The following ARHGAP5 variants were observed in gnomAD, a reference collection of about 807,000 sequenced individuals.
ARHGAP5 encodes the protein Rho GTPase activating protein 5.
Under a neutral mutation model 116.6 loss-of-function variants are expected in ARHGAP5, and 23 were observed. That is an observed-to-expected ratio of 0.20 (90% CI 0.14 to 0.28). The LOEUF is 0.28. ARHGAP5 is among the 10% of genes least tolerant of loss of function. ARHGAP5 has a pLI of 1.00. For synonymous variants in ARHGAP5, 574 were observed against 602.0 expected, an observed-to-expected ratio of 0.95 and a Z score of 0.68; for missense variants, 1,405 against 1,774.8, an observed-to-expected ratio of 0.79 and a Z score of 3.74.
chr14:32,095,371 C>A, intron 2 of ARHGAP5, among the ~76,000 whole-genome samples: 1 of 146,908 alleles, frequency 6.8e-6, no homozygotes, highest in Non-Finnish European at 1.5e-5. Context: ...TTGTCGTTAG[C>A]AAATTTTCTG....
intron 1 of ARHGAP5, among the ~76,000 whole-genome samples, chr14:32,084,388 G>A (rs2041808270): frequency 1.3e-5 from 2 of 152,088 alleles, no homozygotes; most frequent in Non-Finnish European, 2.9e-5. Context: ...AAAAAAACTG[G>A]ACTTTTTATG....
intron 3 of ARHGAP5, among the ~76,000 whole-genome samples, chr14:32,140,086 G>GTTTTTTTT (rs1566681639): frequency 9.2e-5 from 4 of 43,632 alleles, no homozygotes; most frequent in Non-Finnish European, 1.5e-4. Context: ...TTTTTTTTTA[G>GTTTTTTTT]GTTATTTGTT....
At chr14:32,101,167 T>A (rs986480526) in intron 2 of ARHGAP5, among the ~76,000 whole-genome samples, 1 of 152,158 alleles carries the variant, frequency 6.6e-6, no homozygotes, top group Non-Finnish European at 1.5e-5. Context: ...TAATCAGTGT[T>A]TTTTCTTTGT....
chr14:32,144,032 G>A lies in ARHGAP5; in HGVS notation c.3866-2231G>A, dbSNP rs139169856. On this transcript the variant is annotated intron_variant, in intron 3 of 6. Transcript: ENST00000345122. ...GCCCCCAGCTGAGAACCACTGCACT[G>A]TGTGAAGAACCCTGGGGATGGAAAG... Among the ~76,000 whole-genome samples the A allele has an allele frequency of 2.1e-3, 316 of 152,272 alleles. 4 individuals are homozygous for A. Among genetic ancestry groups the A allele is most frequent in the East Asian group, 7.7e-4 (4 of 5,176 alleles).
At chr14:32,142,624 A>G (rs1416452469) in intron 3 of ARHGAP5, among the ~76,000 whole-genome samples, 1 of 152,232 alleles carries the variant, frequency 6.6e-6, no homozygotes. Flanking sequence ...GAGCCAAAAG[A>G]CAGGTTGAAA....
chr14:32,127,826 G>A (rs911076349), intron 3 of ARHGAP5, among the ~76,000 whole-genome samples: 17 of 149,650 alleles, frequency 1.1e-4, no homozygotes, highest in African/African-American at 2.7e-4. Flanking sequence ...GTGGCCGGGC[G>A]GAGATGCTCC....
intron 2 of ARHGAP5, among the ~76,000 whole-genome samples, chr14:32,106,876 C>T (rs1195780995): frequency 6.6e-6 from 1 of 152,118 alleles, no homozygotes; most frequent in African/African-American, 2.4e-5. Flanking sequence ...TAGTCTTCAT[C>T]CCGACATATA....
intron 3 of ARHGAP5, among the ~76,000 whole-genome samples, chr14:32,138,341 G>A (rs1880921064): frequency 6.6e-6 from 1 of 152,168 alleles, no homozygotes; most frequent in African/African-American, 2.4e-5. Flanking sequence ...CTGGAGTGCA[G>A]CAGTGCAATC....
intron 4 of ARHGAP5, among the ~76,000 whole-genome samples, chr14:32,147,289 A>G (rs1306682925): frequency 6.6e-6 from 1 of 152,208 alleles, no homozygotes; most frequent in Admixed American, 6.5e-5. Context: ...TGTACATGCT[A>G]AAATTTTACA....
At position 32,125,454 on chromosome 14, in the gene ARHGAP5, A is replaced by G. The variant is rs1255242392; in HGVS notation, c.3865+8167A>G. 2.6e-5 allele frequency among the ~76,000 whole-genome samples: 4 copies of G among 152,208 alleles called. No homozygotes were observed. The East Asian group carries it at 7.7e-4, about 29-fold the overall frequency. On this transcript the variant is annotated intron_variant, in intron 3 of 6. Transcript: ENST00000345122. ...TCTGCTGTGAACATTCATGTGTACAACTATTCGTTCAAGTACCTGTTTTCA... is the reference window on the plus strand; with the variant it reads ...TCTGCTGTGAACATTCATGTGTACAGCTATTCGTTCAAGTACCTGTTTTCA...
chr14:32,153,652 T>C (rs984542204), intron 6 of ARHGAP5, among the ~76,000 whole-genome samples: 2 of 151,292 alleles, frequency 1.3e-5, no homozygotes, highest in Non-Finnish European at 2.9e-5. Context: ...TTAGTATTTT[T>C]AGTAGAGACA....
intron 4 of ARHGAP5, 72 bp from the exon 5 acceptor site, chr14:32,149,830 A>T: frequency 1.1e-6 from 1 of 909,372 alleles, no homozygotes. Flanking sequence ...TTTGATCTAA[A>T]AGTAACCATT....
At chr14:32,119,874 G>T (rs931187358) in intron 3 of ARHGAP5, among the ~76,000 whole-genome samples, 1 of 152,008 alleles carries the variant, frequency 6.6e-6, no homozygotes, top group Non-Finnish European at 1.5e-5. Flanking sequence ...TGTATTGCTG[G>T]ATTCATTTTC....
chr14:32,124,352 G>T (rs1255458538), intron 3 of ARHGAP5, among the ~76,000 whole-genome samples: 3 of 152,164 alleles, frequency 2.0e-5, no homozygotes, highest in Non-Finnish European at 4.4e-5. Flanking sequence ...TTCCACAGCA[G>T]TTAACCAGGG....
intron 3 of ARHGAP5, among the ~76,000 whole-genome samples, chr14:32,140,569 G>A (rs536651151): frequency 5.9e-5 from 9 of 152,078 alleles, no homozygotes; most frequent in South Asian, 4.2e-4. Flanking sequence ...CAGCCTGGGC[G>A]ACAGAGTGAG....
chr14:32,137,307 ACTATT>A (rs1880855880), intron 3 of ARHGAP5, among the ~76,000 whole-genome samples: 1 of 150,530 alleles, frequency 6.6e-6, no homozygotes, highest in African/African-American at 2.5e-5. Context: ...CTGTCTCTGC[ACTATT>A]TATTGCGAAG....
Position 32,093,712 on chromosome 14 carries a change from G to T in ARHGAP5, c.3043G>T (p.Glu1015Ter). The T allele has an allele frequency of 6.2e-7, 1 of 1,614,042 alleles. No homozygotes were observed. The change falls in exon 2 of 7, where the codon GAA becomes TAA. Residue 1015 changes from glutamate to a stop codon, truncating the protein, a stop_gained. Coordinates refer to ENST00000345122, the MANE Select transcript of ARHGAP5 (RefSeq NM_001030055.2). LOFTEE classifies it high-confidence loss of function. ...SDRSRYRLDLEGNEYPIHSTP... is the reference protein window; with the variant it reads ...SDRSRYRLDL ...CCGTTCCAGATATAGATTAGATTTG[G>T]AAGGAAATGAGTATCCTATTCATAG...
In ARHGAP5 at chr14:32,157,862, A is replaced by C. The variant is rs1172942076; in HGVS notation, c.*2914A>C. 2 of 150,456 alleles carry C rather than the reference A, an allele frequency of 1.3e-5. No individual in the cohort carries two copies. Among genetic ancestry groups the C allele is most frequent in the Non-Finnish European group, 3.0e-5 (2 of 67,382 alleles). The allele number at this position is 150,456 out of a possible 1,614,324, so 9.3% of individuals were successfully genotyped here. A position where few individuals can be genotyped will look rare whatever the true frequency, so the allele number is the denominator to read the frequency against. Reference sequence around the variant, plus strand: ...TTTGAGGTACTGGAATCTAATTAATATCTCTTAGGTATCAACAAAAGGGAA... The same window carrying C: ...TTTGAGGTACTGGAATCTAATTAATCTCTCTTAGGTATCAACAAAAGGGAA... On this transcript the variant is annotated 3_prime_UTR_variant, in exon 7 of 7. Transcript: ENST00000345122.
chr14:32,084,472 G>A lies in ARHGAP5; in HGVS notation c.-168-6030G>A, dbSNP rs1356430153. 2.0e-5 allele frequency among the ~76,000 whole-genome samples: 3 copies of A among 152,170 alleles called. No individual in the cohort carries two copies. The East Asian group carries it at 5.8e-4, about 29-fold the overall frequency. On this transcript the variant is annotated intron_variant, in intron 1 of 6. Transcript: ENST00000345122. Reference sequence around the variant, plus strand: ...ATTTTTGTTAATTGTGTTTACAAGTGTGACTTCAGGATTACCCAGCGGTTT... The same window carrying A: ...ATTTTTGTTAATTGTGTTTACAAGTATGACTTCAGGATTACCCAGCGGTTT...
Sources: gnomAD v4.1 joint callset for allele counts (sites outside exome capture counted in the v4.1 genomes callset) on GRCh38, gnomAD v4.1.1 for gene constraint, MANE v1.5 for transcripts, NCBI Gene and HGNC (gene_info 2026-07-23, HGNC 2026-07-21) for gene names.